Variants in LOC128092253 observed in about 807,000 individuals in gnomAD.
At chr6:133,973,020 A>G in the LOC128092253 span, among the ~76,000 whole-genome samples, 1 of 152,198 alleles carries the variant, frequency 6.6e-6, no homozygotes, top group Non-Finnish European at 1.5e-5. Context: ...ATTTTATACT[A>G]TCAAACAGAT....
chr6:133,976,613 C>A, the LOC128092253 span, among the ~76,000 whole-genome samples: 1 of 152,120 alleles, frequency 6.6e-6, no homozygotes, highest in Non-Finnish European at 1.5e-5. Context: ...TTTAGTTAGA[C>A]CTGTTTAACC....
At chr6:133,964,055 A>G in the LOC128092253 span, among the ~76,000 whole-genome samples, 7 of 151,922 alleles carry the variant, frequency 4.6e-5, no homozygotes, top group African/African-American at 1.5e-4. Flanking sequence ...AAAAGAACCA[A>G]TGTTCCAATC....
At chr6:133,969,274 T>G in the LOC128092253 span, among the ~76,000 whole-genome samples, 1 of 143,126 alleles carries the variant, frequency 7.0e-6, no homozygotes, top group African/African-American at 2.7e-5. Context: ...TTTTTTTTTT[T>G]AGTAAATAGA....
At chr6:133,960,886 A>G in the LOC128092253 span, among the ~76,000 whole-genome samples, 451 of 152,360 alleles carry the variant, frequency 3.0e-3, 2 homozygotes, top group African/African-American at 8.1e-3. Context: ...AAGGGAATAT[A>G]AAAAATGCTG....
At chr6:133,973,756 TC>T in the LOC128092253 span, among the ~76,000 whole-genome samples, 1 of 152,174 alleles carries the variant, frequency 6.6e-6, no homozygotes, top group Non-Finnish European at 1.5e-5. Context: ...ATATGCCACT[TC>T]CTGAAGGGCT....
At chr6:133,959,237 C>T in the LOC128092253 span, among the ~76,000 whole-genome samples, 1 of 151,964 alleles carries the variant, frequency 6.6e-6, no homozygotes, top group South Asian at 2.1e-4. Flanking sequence ...GCAGGGTTTC[C>T]CCATGTTGGC....
the LOC128092253 span, among the ~76,000 whole-genome samples, chr6:133,955,993 G>C: frequency 6.6e-6 from 1 of 152,278 alleles, no homozygotes; most frequent in Admixed American, 6.5e-5. Flanking sequence ...TGTTTTTGGA[G>C]AGAGTTATTT....
the LOC128092253 span, among the ~76,000 whole-genome samples, chr6:133,975,269 A>G: frequency 6.6e-6 from 1 of 152,146 alleles, no homozygotes; most frequent in African/African-American, 2.4e-5. Flanking sequence ...GATTATTAAG[A>G]CAACCATGAA....
At chr6:133,958,467 T>G in the LOC128092253 span, among the ~76,000 whole-genome samples, 9 of 152,198 alleles carry the variant, frequency 5.9e-5, no homozygotes, top group South Asian at 2.1e-4. Flanking sequence ...AAGAATGACT[T>G]CGTAGGATAG....
At chr6:133,958,858 GTTTA>G in the LOC128092253 span, among the ~76,000 whole-genome samples, 1 of 152,188 alleles carries the variant, frequency 6.6e-6, no homozygotes, top group African/African-American at 2.4e-5. Flanking sequence ...TGCTGGTTTT[GTTTA>G]TTTGTTTCAG....
the LOC128092253 span, among the ~76,000 whole-genome samples, chr6:133,967,575 G>A: frequency 1.3e-5 from 2 of 152,150 alleles, no homozygotes; most frequent in African/African-American, 2.4e-5. Flanking sequence ...TACACACCTG[G>A]GCTATGTAGT....
At chr6:133,960,483 T>C in the LOC128092253 span, among the ~76,000 whole-genome samples, 1 of 151,816 alleles carries the variant, frequency 6.6e-6, no homozygotes, top group Non-Finnish European at 1.5e-5. Flanking sequence ...CCAGTAATCT[T>C]GAAACTTCCA....
chr6:133,978,473 GTAA>G, the LOC128092253 span, among the ~76,000 whole-genome samples: 3 of 152,144 alleles, frequency 2.0e-5, no homozygotes, highest in African/African-American at 7.2e-5. Context: ...AAGACCAATG[GTAA>G]TAAACTGGCC....
the LOC128092253 span, among the ~76,000 whole-genome samples, chr6:133,956,759 C>T: frequency 6.6e-6 from 1 of 152,172 alleles, no homozygotes. Flanking sequence ...CAAGCAGTGA[C>T]ACTTTCTCAA....
the LOC128092253 span, among the ~76,000 whole-genome samples, chr6:133,977,781 G>C: frequency 6.6e-6 from 1 of 152,116 alleles, no homozygotes; most frequent in African/African-American, 2.4e-5. Context: ...AGCGTCAGGG[G>C]CCAGGCTGCT....
At chr6:133,961,368 C>T in the LOC128092253 span, among the ~76,000 whole-genome samples, 1 of 151,926 alleles carries the variant, frequency 6.6e-6, no homozygotes, top group Non-Finnish European at 1.5e-5. Flanking sequence ...CAGTACCATT[C>T]ATTTGCTGTG....
the LOC128092253 span, among the ~76,000 whole-genome samples, chr6:133,963,216 G>T: frequency 6.6e-6 from 1 of 152,248 alleles, no homozygotes; most frequent in South Asian, 2.1e-4. Context: ...GAAGAATAGA[G>T]CCCTTTTTAA....
the LOC128092253 span, among the ~76,000 whole-genome samples, chr6:133,958,956 G>C: frequency 2.0e-5 from 3 of 152,158 alleles, no homozygotes; most frequent in Non-Finnish European, 4.4e-5. Flanking sequence ...TCCTGTTTAA[G>C]AGAGGAAATG....
At chr6:133,953,864 C>G in the LOC128092253 span, among the ~76,000 whole-genome samples, 1 of 152,164 alleles carries the variant, frequency 6.6e-6, no homozygotes, top group East Asian at 1.9e-4. Flanking sequence ...AGAAAACTTA[C>G]AGCGGCTTCT....
Sources: gnomAD v4.1 joint callset for allele counts (sites outside exome capture counted in the v4.1 genomes callset) on GRCh38, gnomAD v4.1.1 for gene constraint, MANE v1.5 for transcripts.